Variants in KANK1 observed in about 807,000 individuals in gnomAD.
KANK1 encodes the protein KN motif and ankyrin repeat domains 1.
KANK1 carries 109 observed loss-of-function variants against 106.2 expected under a neutral mutation model. The ratio of observed to expected loss-of-function variants is 1.03; its 90% CI spans 0.88 to 1.20. The LOEUF (loss-of-function observed/expected upper bound fraction) is 1.20. KANK1 is among the 50% of genes most tolerant of loss of function. KANK1 has a pLI of 0.00. For missense variants in KANK1, 2,399 were observed against 1,710.7 expected, an observed-to-expected ratio of 1.40 and a Z score of -7.10; for synonymous variants, 873 against 652.2, an observed-to-expected ratio of 1.34 and a Z score of -5.16.
At chr9:480,972 C>G (rs1411829200) in intron 3 of KANK1, among the ~76,000 whole-genome samples, 2 of 152,174 alleles carry the variant, frequency 1.3e-5, no homozygotes, top group African/African-American at 4.8e-5. Flanking sequence ...ATAAACCCAC[C>G]TAAGTGAAAA....
rs1482179335 is a variant in KANK1, at chr9:713,030, A to C, written c.2264A>C (p.Lys755Thr). 1 of 1,614,218 alleles carries C rather than the reference A, an allele frequency of 6.2e-7. No individual in the cohort carries two copies. Among genetic ancestry groups the C allele is most frequent in the South Asian group, 1.1e-5 (1 of 91,076 alleles). Residue 755 changes from lysine to threonine, a missense_variant, in exon 3 of 12, where the codon AAG (lysine) becomes ACG (threonine). Coordinates refer to ENST00000382297, the MANE Select transcript of KANK1 (RefSeq NM_015158.5). The part of the protein sequence containing the change: ...HSGFDRPSAV[K>T]TKESGVGQIN... ...GGGTTTGACAGGCCATCAGCTGTGAAGACCAAAGAGTCAGGTGTGGGGCAG... is the reference window on the plus strand; with the variant it reads ...GGGTTTGACAGGCCATCAGCTGTGACGACCAAAGAGTCAGGTGTGGGGCAG...
At chr9:515,424 T>C (rs917688751) in intron 1 of KANK1, among the ~76,000 whole-genome samples, 1 of 140,604 alleles carries the variant, frequency 7.1e-6, no homozygotes, top group Non-Finnish European at 1.5e-5. Flanking sequence ...ACTCTAGCTT[T>C]TCTGTTTCTC....
In KANK1 at chr9:597,198, G is replaced by C. The variant is rs1440510584; in HGVS notation, c.-83-79692G>C. Among the ~76,000 whole-genome samples the C allele has an allele frequency of 2.0e-5, 3 of 151,700 alleles. No individual in the cohort carries two copies. In the East Asian group the frequency reaches 5.8e-4, roughly 29 times the overall value. ...GGCTGCTATGAACATGGGTGTGTAAGTACTTGAGTCCCTGTTTTCAGTTCT... is the reference window on the plus strand; with the variant it reads ...GGCTGCTATGAACATGGGTGTGTAACTACTTGAGTCCCTGTTTTCAGTTCT... On this transcript the variant is annotated intron_variant, in intron 1 of 11. Transcript: ENST00000382297.
chr9:619,220 A>G lies in KANK1; in HGVS notation c.-83-57670A>G, dbSNP rs1361916751. ...GCTACAGTGCTTTTGAATTTCAGAG[A>G]GGCCTCTTATTTGTGCCTCAAGAAT... On this transcript the variant is annotated intron_variant, in intron 1 of 11. Coordinates refer to ENST00000382297, the MANE Select transcript of KANK1 (RefSeq NM_015158.5). Among the ~76,000 whole-genome samples, 11 of 152,326 alleles carry G rather than the reference A, an allele frequency of 7.2e-5. No individual in the cohort carries two copies. In the East Asian group the frequency reaches 2.1e-3, roughly 29 times the overall value.
chr9:560,057 A>G (rs1014401286), intron 1 of KANK1, among the ~76,000 whole-genome samples: 4 of 152,236 alleles, frequency 2.6e-5, no homozygotes, highest in Non-Finnish European at 5.9e-5. Flanking sequence ...AACAGCAGAT[A>G]TGGAATAATC....
rs373063941 is a variant in KANK1 at position 604,176 on chromosome 9, CTTAAAT to C, written c.-83-72711_-83-72706del. Among the ~76,000 whole-genome samples, 369 of 151,578 alleles carry C rather than the reference CTTAAAT, an allele frequency of 2.4e-3. 5 individuals are homozygous for C. The highest frequency in any genetic ancestry group is 8.7e-3 in the African/African-American group (358 of 41,038). ...CGTTATTGTTCTGATTATTCTGGTC[CTTAAAT>C]TTGTCTCTTTCCTGGAGACGTGGTA... On this transcript the variant is annotated intron_variant, in intron 1 of 11. Coordinates refer to ENST00000382297, the MANE Select transcript of KANK1 (RefSeq NM_015158.5).
chr9:482,949 G>C (rs2058231381), intron 3 of KANK1, among the ~76,000 whole-genome samples: 1 of 152,204 alleles, frequency 6.6e-6, no homozygotes, highest in African/African-American at 2.4e-5. Context: ...TTTGTCCAGA[G>C]TATTCACACT....
intron 1 of KANK1, among the ~76,000 whole-genome samples, chr9:579,368 A>G (rs901855079): frequency 6.6e-6 from 1 of 152,194 alleles, no homozygotes; most frequent in African/African-American, 2.4e-5. Flanking sequence ...GTCCTCCCCA[A>G]AATCCAGGAT....
At chr9:629,649 C>A (rs1032058822) in intron 1 of KANK1, among the ~76,000 whole-genome samples, 1 of 152,182 alleles carries the variant, frequency 6.6e-6, no homozygotes, top group African/African-American at 2.4e-5. Context: ...ACCTGATTCT[C>A]CCTTCTCCCA....
At chr9:687,092 G>T (rs769176009) in intron 2 of KANK1, among the ~76,000 whole-genome samples, 1 of 151,898 alleles carries the variant, frequency 6.6e-6, no homozygotes, top group Non-Finnish European at 1.5e-5. Context: ...CTACTGGAAG[G>T]AATGTTATGA....
At position 608,034 on chromosome 9, in the gene KANK1, A is replaced by ATTTATT. The variant is rs1554646405; in HGVS notation, c.-83-68853_-83-68852insATTTTT. Among the ~76,000 whole-genome samples the ATTTATT allele has an allele frequency of 5.1e-4, 59 of 115,326 alleles. 6 individuals carry two copies. The highest frequency in any genetic ancestry group is 2.0e-3 in the African/African-American group (53 of 26,892). 75.7% of individuals were successfully genotyped at this position (115,326 alleles called of 152,430 possible). On this transcript the variant is annotated intron_variant, in intron 1 of 11. Transcript: ENST00000382297. ...CAGAATTATTATTATTATTATTATT[A>ATTTATT]TTTTTTTTTTTTTTGAGACGGAGTC... is the stretch of plus-strand genomic sequence containing the variant.
At chr9:618,399 G>A (rs1190727075) in intron 1 of KANK1, among the ~76,000 whole-genome samples, 1 of 151,976 alleles carries the variant, frequency 6.6e-6, no homozygotes, top group Non-Finnish European at 1.5e-5. Context: ...CTAGAGACAG[G>A]GTTTCACCAT....
At chr9:614,685 C>T (rs533810413) in intron 1 of KANK1, among the ~76,000 whole-genome samples, 1 of 152,126 alleles carries the variant, frequency 6.6e-6, no homozygotes, top group Admixed American at 6.5e-5. Flanking sequence ...TTCCGTGTGC[C>T]TCCTGGGGTG....
chr9:501,403 C>G (rs1374365024), upstream of KANK1, among the ~76,000 whole-genome samples: 1 of 149,904 alleles, frequency 6.7e-6, no homozygotes, highest in Non-Finnish European at 1.5e-5. Context: ...AAGAACCAAT[C>G]ACAAACTTTA....
At chr9:590,454 T>C (rs2642006) in intron 1 of KANK1, among the ~76,000 whole-genome samples, 55,638 of 151,972 alleles carry the variant, frequency 0.37, 12,981 homozygotes, top group South Asian at 0.57. Context: ...TCTCAAGTTA[T>C]ATTTTATGGT....
upstream of KANK1, among the ~76,000 whole-genome samples, chr9:502,590 C>T (rs148228217): frequency 2.2e-3 from 337 of 151,182 alleles, 6 homozygotes; most frequent in Non-Finnish European, 1.3e-3. Context: ...GTGGCATGAT[C>T]TCGGCTCACT....
intron 1 of KANK1, among the ~76,000 whole-genome samples, chr9:616,623 A>T (rs1831891464): frequency 6.6e-6 from 1 of 152,160 alleles, no homozygotes; most frequent in South Asian, 2.1e-4. Flanking sequence ...TTTCTAAGCC[A>T]CTCATTATCA....
chr9:662,687 G>T (rs1381514857), intron 1 of KANK1, among the ~76,000 whole-genome samples: 1 of 117,368 alleles, frequency 8.5e-6, no homozygotes, highest in Non-Finnish European at 1.7e-5. Flanking sequence ...TTTGAGACAG[G>T]GTCTTGCTCT....
intron 1 of KANK1, among the ~76,000 whole-genome samples, chr9:610,295 T>A (rs776651939): frequency 6.6e-5 from 10 of 152,140 alleles, no homozygotes; most frequent in Non-Finnish European, 1.3e-4. Context: ...GTATATAAGA[T>A]GAAAAAACAT....
Sources: allele counts gnomAD v4.1 joint callset (sites outside exome capture counted in the v4.1 genomes callset), GRCh38; gene constraint gnomAD v4.1.1; transcripts MANE v1.5; gene names NCBI Gene and HGNC (gene_info 2026-07-23, HGNC 2026-07-21).